Variants in RIMS2 observed in about 807,000 individuals in gnomAD.
RIMS2 encodes the protein regulating synaptic membrane exocytosis 2.
A neutral mutation model predicts 174.4 loss-of-function variants in RIMS2; 59 were observed. That is an observed-to-expected ratio of 0.34 (90% CI 0.27 to 0.42). The LOEUF (loss-of-function observed/expected upper bound fraction) is 0.42. Ranked by LOEUF, RIMS2 falls within the 10% of genes least tolerant of loss-of-function variation. RIMS2 has a pLI of 1.00. For synonymous variants in RIMS2, 606 were observed against 572.5 expected, an observed-to-expected ratio of 1.06 and a Z score of -0.84; for missense variants, 1,620 against 1,666.3, an observed-to-expected ratio of 0.97 and a Z score of 0.48.
chr8:103,942,590 A>G (rs2082783578), intron 13 of RIMS2, among the ~76,000 whole-genome samples, 183 bp from the exon 16 acceptor site: 1 of 152,336 alleles, frequency 6.6e-6, no homozygotes, highest in Admixed American at 6.5e-5. Context: ...TAAATCACTA[A>G]GAAGTTATAA....
intron 1 of RIMS2, among the ~76,000 whole-genome samples, chr8:103,634,445 G>A (rs2096023358): frequency 6.6e-6 from 1 of 152,128 alleles, no homozygotes; most frequent in Non-Finnish European, 1.5e-5. Context: ...TTAATTATGT[G>A]GTTGATTTTA....
chr8:103,906,140 A>C (rs980963791), intron 4 of RIMS2, among the ~76,000 whole-genome samples: 3 of 152,182 alleles, frequency 2.0e-5, no homozygotes, highest in Non-Finnish European at 2.9e-5. Flanking sequence ...TATTTTCTAT[A>C]TGAATTACCA....
chr8:104,015,595 T>TGACA, intron 19 of RIMS2: 1 of 419,612 alleles, frequency 2.4e-6, no homozygotes, highest in Non-Finnish European at 4.2e-6. Flanking sequence ...TTATGATATC[T>TGACA]GACAAAGTAT....
chr8:103,761,314 A>C (rs972245320), intron 2 of RIMS2, among the ~76,000 whole-genome samples: 6 of 152,270 alleles, frequency 3.9e-5, no homozygotes, highest in African/African-American at 7.2e-5. Context: ...TTGAATAAGC[A>C]TGTACTTTAA....
intron 19 of RIMS2, among the ~76,000 whole-genome samples, chr8:104,060,680 C>T (rs1048279634): frequency 6.6e-6 from 1 of 152,092 alleles, no homozygotes; most frequent in African/African-American, 2.4e-5. Flanking sequence ...AGTTTTGGAT[C>T]TTTCCTGCTT....
At chr8:104,089,441 G>A (rs2097594362) in intron 19 of RIMS2, among the ~76,000 whole-genome samples, 2 of 151,868 alleles carry the variant, frequency 1.3e-5, no homozygotes, top group East Asian at 1.9e-4. Flanking sequence ...TTAGTACTTA[G>A]ATTTCTGGGG....
chr8:104,036,681 A>C (rs1042285452), intron 19 of RIMS2, among the ~76,000 whole-genome samples: 1 of 151,734 alleles, frequency 6.6e-6, no homozygotes, highest in Non-Finnish European at 1.5e-5. Context: ...GTTCGAGACC[A>C]GACTGACCAA....
intron 1 of RIMS2, among the ~76,000 whole-genome samples, chr8:103,611,673 A>C (rs188373034): frequency 2.8e-4 from 42 of 147,466 alleles, no homozygotes; most frequent in African/African-American, 9.5e-4. Context: ...GTTATTTGTT[A>C]CTTTTTTTTT....
Position 104,250,540 on chromosome 8 carries a change from T to C in RIMS2, c.3692-484T>C, listed in dbSNP as rs79442914. On this transcript the variant is annotated intron_variant, in intron 22 of 23. Coordinates refer to ENST00000504942, the Ensembl canonical transcript of RIMS2. ...GATAAATTTTAAGCCATAGATTGTCTAATTAGTTGCCTCTTAGCTAATTTG... is the reference window on the plus strand; with the variant it reads ...GATAAATTTTAAGCCATAGATTGTCCAATTAGTTGCCTCTTAGCTAATTTG... Among the ~76,000 whole-genome samples the C allele has an allele frequency of 6.1e-3, 936 of 152,328 alleles. 5 individuals are homozygous for C. The highest frequency in any genetic ancestry group is 0.022 in the African/African-American group (898 of 41,570).
Position 103,553,094 on chromosome 8 carries a change from G to A in RIMS2, c.176+52032G>A, listed in dbSNP as rs183259969. On this transcript the variant is annotated intron_variant, in intron 1 of 23. Coordinates refer to ENST00000504942, the Ensembl canonical transcript of RIMS2. Reference sequence around the variant, plus strand: ...CGTTTGACCCAGCCATCCTATTACTGGGTATATACCCAAAGGATTATAAAT... The same window carrying A: ...CGTTTGACCCAGCCATCCTATTACTAGGTATATACCCAAAGGATTATAAAT... Among the ~76,000 whole-genome samples, 4 of 152,156 alleles carry A rather than the reference G, an allele frequency of 2.6e-5. No homozygotes were observed. In the East Asian group the frequency reaches 7.7e-4, roughly 29 times the overall value.
chr8:104,079,938 G>C (rs1194297137), intron 19 of RIMS2, among the ~76,000 whole-genome samples: 1 of 151,788 alleles, frequency 6.6e-6, no homozygotes, highest in Non-Finnish European at 1.5e-5. Flanking sequence ...AAAGATTCTA[G>C]AGAAGGTGAA....
chr8:104,248,745 G>A lies in RIMS2; in HGVS notation c.3521G>A (p.Ser1174Asn), dbSNP rs775159964. 2 of 1,613,656 alleles carry A rather than the reference G, an allele frequency of 1.2e-6. No homozygotes were observed. Among genetic ancestry groups the A allele is most frequent in the Non-Finnish European group, 1.7e-6 (2 of 1,179,548 alleles). ...CGCTTGGCCTCTGATAGCCAGTTCA[G>A]TGATTTCCTGGATGGCCTTGGCCCT... Residue 1174 changes from serine to asparagine, a missense_variant, in exon 21 of 24, where the codon AGT (serine) becomes AAT (asparagine). Transcript: ENST00000504942.
chr8:103,876,464 G>T (rs1051050878), intron 3 of RIMS2, among the ~76,000 whole-genome samples: 2 of 151,172 alleles, frequency 1.3e-5, no homozygotes, highest in South Asian at 2.1e-4. Context: ...TTTTGTTTCC[G>T]TAGGTTTTTG....
chr8:103,680,954 A>G (rs2096872927), intron 1 of RIMS2, among the ~76,000 whole-genome samples: 1 of 152,026 alleles, frequency 6.6e-6, no homozygotes, highest in African/African-American at 2.4e-5. Flanking sequence ...TATGTTCGTC[A>G]TATTTCTGCG....
intron 1 of RIMS2, among the ~76,000 whole-genome samples, chr8:103,574,840 A>T (rs1472200993): frequency 1.3e-5 from 2 of 152,202 alleles, no homozygotes; most frequent in African/African-American, 4.8e-5. Context: ...AATGATTAGG[A>T]TCTGCCAAAG....
chr8:104,136,981 C>A (rs2098526307), intron 19 of RIMS2, among the ~76,000 whole-genome samples: 1 of 152,048 alleles, frequency 6.6e-6, no homozygotes, highest in African/African-American at 2.4e-5. Context: ...CATATATTAA[C>A]AATAAATAAT....
chr8:104,248,627 C>A, intron 20 of RIMS2, 74 bp from the exon 27 acceptor site: 3 of 835,378 alleles, frequency 3.6e-6, no homozygotes, highest in South Asian at 2.8e-5. Context: ...AATAATGAGG[C>A]TAGAATGAAA....
chr8:104,021,378 T>C (rs2154554971), intron 19 of RIMS2, among the ~76,000 whole-genome samples: 1 of 152,306 alleles, frequency 6.6e-6, no homozygotes, highest in East Asian at 1.9e-4. Flanking sequence ...CAACATGTTT[T>C]TACATATTTG....
At chr8:104,187,995 C>T (rs541937986) in intron 19 of RIMS2, among the ~76,000 whole-genome samples, 14 of 151,686 alleles carry the variant, frequency 9.2e-5, no homozygotes, top group Non-Finnish European at 4.4e-5. Flanking sequence ...GAACCCTTCA[C>T]CTAGCTTCCC....
Sources: gnomAD v4.1 joint callset for allele counts (sites outside exome capture counted in the v4.1 genomes callset) on GRCh38, gnomAD v4.1.1 for gene constraint, MANE v1.5 for transcripts, NCBI Gene and HGNC (gene_info 2026-07-23, HGNC 2026-07-21) for gene names.